The following TTC23 variants were observed in gnomAD, a reference collection of about 807,000 sequenced individuals.
TTC23 encodes tetratricopeptide repeat protein 23.
A neutral mutation model predicts 55.1 loss-of-function variants in TTC23; 58 were observed. The observed-to-expected ratio is 1.05, with a 90% CI of 0.85 to 1.31. TTC23 has a LOEUF of 1.31. Ranked by LOEUF, TTC23 falls within the 50% of genes most tolerant of loss-of-function variation. The pLI, the probability that TTC23 is intolerant of heterozygous loss-of-function variation, is 0.00. For missense variants in TTC23, 516 were observed against 534.4 expected (o/e 0.97, Z 0.34); for synonymous variants, 203 against 199.9 (o/e 1.02, Z -0.13).
At chr15:99,174,906 T>C (rs773087536) in intron 10 of TTC23, 144 bp downstream of exon 10, 6 of 632,816 alleles carry the variant, frequency 9.5e-6, no homozygotes, top group Non-Finnish European at 1.6e-5. Context: ...CAGAGTAGCA[T>C]AGGGGCAGAT....
At chr15:99,209,284 A>C (rs1201863054) in intron 8 of TTC23, among the ~76,000 whole-genome samples, 1 of 152,226 alleles carries the variant, frequency 6.6e-6, no homozygotes, top group Non-Finnish European at 1.5e-5. Context: ...CTTTGTGTGA[A>C]TATCACTGAT....
chr15:99,161,702 T>C, intron 11 of TTC23, 38 bp downstream of exon 11: 2 of 1,593,526 alleles, frequency 1.3e-6, no homozygotes, highest in Non-Finnish European at 1.7e-6. Context: ...GGATATCAAC[T>C]GTGAATAACT....
chr15:99,181,884 C>T (rs1440390281), intron 9 of TTC23, among the ~76,000 whole-genome samples: 4 of 152,158 alleles, frequency 2.6e-5, no homozygotes, highest in Non-Finnish European at 5.9e-5. Flanking sequence ...TTTTAATAGT[C>T]AGAGAAAGTC....
chr15:99,161,006 C>T (rs1413651445), intron 11 of TTC23: 1 of 130,212 alleles, frequency 7.7e-6, no homozygotes, highest in Admixed American at 8.5e-5. Context: ...GAGCAAGACT[C>T]TGTCTCAAAA....
At position 99,231,694 on chromosome 15, in the gene TTC23, G is replaced by A. The variant is rs537282496; in HGVS notation, c.-20-2962C>T. 9.9e-5 allele frequency among the ~76,000 whole-genome samples: 15 copies of A among 152,044 alleles called. No individual in the cohort carries two copies. In the East Asian group the frequency reaches 1.4e-3, roughly 14 times the overall value. On this transcript the variant is annotated intron_variant, in intron 4 of 13. Transcript: ENST00000394132. ...TTTTTAGTAGAGATAGGGTTTCACC[G>A]TGTTAGCCAGGATGGTCTCGATCTC...
chr15:99,226,287 C>T (rs2078404791), intron 5 of TTC23, among the ~76,000 whole-genome samples: 1 of 151,542 alleles, frequency 6.6e-6, no homozygotes. Flanking sequence ...GATCACTGTA[C>T]TGTGGCCATG....
rs147353236 is a variant in TTC23, at chr15:99,231,084, G to A, written c.-20-2352C>T. On this transcript the variant is annotated intron_variant, in intron 4 of 13. Transcript: ENST00000394132. ...ACAGTAGCTGTCGTAACATCATAGCGTAATGCATTGACTCATGTGTTGGTG... is the reference window on the plus strand; with the variant it reads ...ACAGTAGCTGTCGTAACATCATAGCATAATGCATTGACTCATGTGTTGGTG... 2.1e-4 allele frequency among the ~76,000 whole-genome samples: 32 copies of A among 152,276 alleles called. No individual in the cohort carries two copies. The East Asian group carries it at 4.0e-3, about 19-fold the overall frequency.
In TTC23 at chr15:99,158,310, T is replaced by C. The variant is rs368402873; in HGVS notation, c.994-2013A>G. The C allele has an allele frequency of 2.1e-4, 32 of 152,386 alleles. No individual in the cohort carries two copies. The East Asian group carries it at 5.2e-3, about 25-fold the overall frequency. The allele number at this position is 152,386 out of a possible 1,614,324, so 9.4% of individuals were successfully genotyped here. ...ATATTTCTGTGGGAAAATATCACTG[T>C]CAGACTTAGAGGAGCCAGTGATGGG... On this transcript the variant is annotated intron_variant, in intron 11 of 13. Coordinates refer to ENST00000394132, the MANE Select transcript of TTC23 (RefSeq NM_001288615.3).
chr15:99,136,755 G>GTGACC lies in TTC23; in HGVS notation c.*1254_*1255insGGTCA. 6.6e-6 allele frequency: 1 copy of GTGACC among 151,720 alleles called. No individual in the cohort carries two copies. The highest frequency in any genetic ancestry group is 1.5e-5 in the Non-Finnish European group (1 of 67,838). The allele number at this position is 151,720 out of a possible 1,614,324, so 9.4% of individuals were successfully genotyped here. A position where few individuals can be genotyped will look rare whatever the true frequency, so the allele number is the denominator to read the frequency against. On this transcript the variant is annotated 3_prime_UTR_variant, in exon 14 of 14. Coordinates refer to ENST00000394132, the MANE Select transcript of TTC23 (RefSeq NM_001288615.3). Reference sequence around the variant, plus strand: ...CTAGATAGGACACACGGTGAGTAGTGACATCTTACACGTTTTTAGCACACT... The same window carrying GTGACC: ...CTAGATAGGACACACGGTGAGTAGTGTGACCACATCTTACACGTTTTTAGCACACT...
intron 9 of TTC23, among the ~76,000 whole-genome samples, chr15:99,178,541 T>C (rs2602038): frequency 0.82 from 124,449 of 152,242 alleles, 51,327 homozygotes; most frequent in East Asian, 0.93. Flanking sequence ...TGTGCTAACA[T>C]TAGAAATTCC....
chr15:99,161,004 C>T (rs1308086299), intron 11 of TTC23: 2 of 136,354 alleles, frequency 1.5e-5, no homozygotes, highest in African/African-American at 2.8e-5. Flanking sequence ...CAGAGCAAGA[C>T]TCTGTCTCAA....
intron 9 of TTC23, among the ~76,000 whole-genome samples, chr15:99,187,744 T>C (rs1264893165): frequency 6.6e-6 from 1 of 152,058 alleles, no homozygotes; most frequent in Non-Finnish European, 1.5e-5. Flanking sequence ...AAAGATGTGC[T>C]ACATCATTAG....
chr15:99,248,089 A>C (rs1378819436), intron 1 of TTC23: 1 of 152,174 alleles, frequency 6.6e-6, no homozygotes, highest in East Asian at 1.9e-4. Flanking sequence ...TAAAGAAGTA[A>C]ACTCAATGCT....
In TTC23 at chr15:99,139,314, C is replaced by G. The variant is rs782228663; in HGVS notation, c.1226+3G>C. The G allele has an allele frequency of 6.2e-7, 1 of 1,611,986 alleles. No individual in the cohort carries two copies. Among genetic ancestry groups the G allele is most frequent in the East Asian group, 2.2e-5 (1 of 44,882 alleles). On this transcript the variant is annotated splice_donor_region_variant and intron_variant, in intron 13 of 13. Transcript: ENST00000394132. Reference sequence around the variant, plus strand: ...AGAGAAAGTGTGAGGGACGCCAACTCACGTGGACAGCATGCCCATGGCCTG... The same window carrying G: ...AGAGAAAGTGTGAGGGACGCCAACTGACGTGGACAGCATGCCCATGGCCTG...
intron 11 of TTC23, chr15:99,159,304 A>C (rs2623196): frequency 0.23 from 34,671 of 152,154 alleles, 4,082 homozygotes; most frequent in African/African-American, 0.26. Flanking sequence ...ACATGCATCC[A>C]CCTCTCTGCT....
At chr15:99,198,864 A>G (rs2075964790) in intron 9 of TTC23, among the ~76,000 whole-genome samples, 1 of 152,230 alleles carries the variant, frequency 6.6e-6, no homozygotes, top group Non-Finnish European at 1.5e-5. Context: ...TCAAATAACA[A>G]GAATGGATTG....
At chr15:99,139,248 C>A in intron 13 of TTC23, 69 bp downstream of exon 13, 1 of 1,574,756 alleles carries the variant, frequency 6.4e-7, no homozygotes, top group East Asian at 2.3e-5. Flanking sequence ...CCTTCTAGAA[C>A]CAGCTTTCTC....
chr15:99,186,697 T>C (rs2623197), intron 9 of TTC23, among the ~76,000 whole-genome samples: 90,439 of 151,904 alleles, frequency 0.6, 27,219 homozygotes, highest in East Asian at 0.86. Flanking sequence ...AAAACTTCCA[T>C]TTGTAATAGC....
intron 10 of TTC23, among the ~76,000 whole-genome samples, chr15:99,162,651 G>C (rs956893973): frequency 6.6e-6 from 1 of 152,172 alleles, no homozygotes; most frequent in Admixed American, 6.5e-5. Context: ...TGGTGTGGCC[G>C]GCAGAATTCT....
Sources: gnomAD v4.1 joint callset for allele counts (sites outside exome capture counted in the v4.1 genomes callset) on GRCh38, gnomAD v4.1.1 for gene constraint, MANE v1.5 for transcripts, NCBI Gene and HGNC (gene_info 2026-07-23, HGNC 2026-07-21) for gene names.